Variants in PIGK observed in about 807,000 individuals in gnomAD.
PIGK encodes the protein phosphatidylinositol glycan anchor biosynthesis class K.
A neutral mutation model predicts 50.6 loss-of-function variants in PIGK; 42 were observed. The ratio of observed to expected loss-of-function variants is 0.83; its 90% confidence interval spans 0.65 to 1.07. The LOEUF (loss-of-function observed/expected upper bound fraction) is 1.07. Among genes scored for constraint, PIGK ranks in the 50% least tolerant of loss-of-function variants. PIGK has a pLI of 0.00. For synonymous variants in PIGK, 151 were observed against 156.0 expected, an observed-to-expected ratio of 0.97 and a Z score of 0.24; for missense variants, 448 against 488.7, an observed-to-expected ratio of 0.92 and a Z score of 0.78.
At chr1:77,136,234 A>G (rs866362768) in intron 9 of PIGK, among the ~76,000 whole-genome samples, 2 of 152,144 alleles carry the variant, frequency 1.3e-5, no homozygotes, top group Admixed American at 1.3e-4. Flanking sequence ...GTTGCTATTA[A>G]GATGTTTGCT....
chr1:77,135,896 C>T (rs1041275690), intron 9 of PIGK, among the ~76,000 whole-genome samples: 5 of 151,832 alleles, frequency 3.3e-5, no homozygotes, highest in African/African-American at 7.3e-5. Flanking sequence ...TATCTTACTC[C>T]CCAAATAATT....
At chr1:77,165,469 CAT>C (rs1655213844) in intron 5 of PIGK, among the ~76,000 whole-genome samples, 1 of 151,862 alleles carries the variant, frequency 6.6e-6, no homozygotes, top group South Asian at 2.1e-4. Context: ...ACTATGTTGA[CAT>C]GTGATATCTA....
intron 9 of PIGK, among the ~76,000 whole-genome samples, chr1:77,127,779 C>A (rs1654265187): frequency 6.6e-6 from 1 of 152,064 alleles, no homozygotes; most frequent in Non-Finnish European, 1.5e-5. Flanking sequence ...GTTAGTATAA[C>A]CTGTTTTGAA....
intron 5 of PIGK, among the ~76,000 whole-genome samples, 188 bp downstream of exon 5, chr1:77,166,531 G>C (rs17100002): frequency 6.6e-6 from 1 of 151,968 alleles, no homozygotes; most frequent in African/African-American, 2.4e-5. Context: ...AGAAAATCAG[G>C]AACAGCACAA....
chr1:77,157,141 C>T (rs1278855314), intron 8 of PIGK, among the ~76,000 whole-genome samples: 1 of 152,150 alleles, frequency 6.6e-6, no homozygotes, highest in African/African-American at 2.4e-5. Context: ...CCTAAAGCAA[C>T]TAACATAGTG....
At chr1:77,128,103 G>A (rs540960223) in intron 9 of PIGK, among the ~76,000 whole-genome samples, 2 of 152,140 alleles carry the variant, frequency 1.3e-5, no homozygotes, top group African/African-American at 4.8e-5. Flanking sequence ...AGATTATACA[G>A]CAATGAGAAA....
In PIGK at chr1:77,090,649, G is replaced by C. The variant is rs529154457; in HGVS notation, c.*1725C>G. 6.6e-6 allele frequency: 1 copy of C among 152,292 alleles called. No homozygotes were observed. Among genetic ancestry groups the C allele is most frequent in the African/African-American group, 2.4e-5 (1 of 41,560 alleles). 9.4% of individuals were successfully genotyped at this position (152,292 alleles called of 1,614,324 possible). Reference sequence around the variant, plus strand: ...CATAATTCCTTTACCACCCTAAATAGCTCCGCCTCACCGTGGTGTCCACGA... The same window carrying C: ...CATAATTCCTTTACCACCCTAAATACCTCCGCCTCACCGTGGTGTCCACGA... On this transcript the variant is annotated 3_prime_UTR_variant, in exon 11 of 11. Coordinates refer to ENST00000370812, the MANE Select transcript of PIGK (RefSeq NM_005482.3).
At chr1:77,154,784 T>G (rs1654973267) in intron 8 of PIGK, among the ~76,000 whole-genome samples, 163 bp from the exon 9 acceptor site, 1 of 152,196 alleles carries the variant, frequency 6.6e-6, no homozygotes, top group Non-Finnish European at 1.5e-5. Context: ...ATTCCTATCA[T>G]AATGCTTGGA....
intron 10 of PIGK, among the ~76,000 whole-genome samples, chr1:77,117,140 A>G (rs1653993874): frequency 6.6e-6 from 1 of 152,162 alleles, no homozygotes; most frequent in Admixed American, 6.6e-5. Context: ...TTGTCACCTC[A>G]GGATGCACTT....
At chr1:77,128,606 A>G (rs181204258) in intron 9 of PIGK, among the ~76,000 whole-genome samples, 1 of 152,356 alleles carries the variant, frequency 6.6e-6, no homozygotes, top group Non-Finnish European at 1.5e-5. Flanking sequence ...AGTCAAAGGC[A>G]ATTCTAAAAT....
chr1:77,167,567 G>T (rs970010601), intron 4 of PIGK, among the ~76,000 whole-genome samples: 3 of 151,292 alleles, frequency 2.0e-5, no homozygotes, highest in Non-Finnish European at 3.0e-5. Flanking sequence ...AACCTAGTAA[G>T]ACCCCCATCT....
rs755599930 is a variant in PIGK at position 77,166,819 on chromosome 1, C to A, written c.387G>T (p.Glu129Asp). Residue 129 changes from glutamate (E) to aspartate (D), a missense_variant, in exon 5 of 11, where the codon GAG becomes GAT. Physicochemically the swap from Glu to Asp is conservative, Grantham distance 45 (BLOSUM62 2). Transcript: ENST00000370812. ...VDYRSYEVTV[E>D]NFLRVLTGRI... ...TCCCAGTTAATACCCGTAAAAAATT[C>A]TCCACAGTTACCTAAGGGGGAAAAA... 3.9e-6 allele frequency: 6 copies of A among 1,549,356 alleles called. No individual in the cohort carries two copies. The African/African-American group carries it at 4.1e-5, about 11-fold the overall frequency.
At chr1:77,149,935 C>A (rs1022461048) in intron 9 of PIGK, among the ~76,000 whole-genome samples, 5 of 150,796 alleles carry the variant, frequency 3.3e-5, no homozygotes, top group African/African-American at 9.7e-5. Context: ...AAGTCAATAA[C>A]AAGAGGACCT....
chr1:77,107,309 G>A (rs1489598370), intron 10 of PIGK, among the ~76,000 whole-genome samples: 8 of 152,072 alleles, frequency 5.3e-5, no homozygotes, highest in East Asian at 1.9e-4. Flanking sequence ...CGTTGGTTTC[G>A]AAGAACATCT....
chr1:77,154,148 C>A, intron 9 of PIGK: 1 of 433,222 alleles, frequency 2.3e-6, no homozygotes, highest in Non-Finnish European at 4.0e-6. Context: ...AAAATTATGG[C>A]GCTGGGATAG....
chr1:77,161,557 C>T (rs1655128184), intron 7 of PIGK, 37 bp downstream of exon 7: 2 of 1,042,080 alleles, frequency 1.9e-6, no homozygotes, highest in Admixed American at 3.4e-5. Flanking sequence ...CTGCACATTC[C>T]AAAGACACAG....
At chr1:77,173,406 T>C (rs1003616181) in intron 3 of PIGK, among the ~76,000 whole-genome samples, 1 of 152,012 alleles carries the variant, frequency 6.6e-6, no homozygotes, top group Non-Finnish European at 1.5e-5. Flanking sequence ...ACTTGCAAAA[T>C]TGAGATAATT....
At chr1:77,095,497 G>A (rs1653386767) in intron 10 of PIGK, among the ~76,000 whole-genome samples, 1 of 152,048 alleles carries the variant, frequency 6.6e-6, no homozygotes, top group Admixed American at 6.6e-5. Flanking sequence ...CCAGAGTTGT[G>A]TAACTCATTC....
intron 3 of PIGK, among the ~76,000 whole-genome samples, chr1:77,201,585 C>T (rs1308384017): frequency 1.3e-5 from 2 of 151,668 alleles, no homozygotes; most frequent in African/African-American, 4.8e-5. Context: ...CGTGGCAAAA[C>T]CTTGTCTCTA....
Sources: gnomAD v4.1 joint callset for allele counts (sites outside exome capture counted in the v4.1 genomes callset) on GRCh38, gnomAD v4.1.1 for gene constraint, MANE v1.5 for transcripts, NCBI Gene and HGNC (gene_info 2026-07-23, HGNC 2026-07-21) for gene names.